The following AUTS2 variants were observed in gnomAD, a reference collection of about 807,000 sequenced individuals.
The protein encoded by AUTS2 is autism susceptibility gene 2 protein.
In AUTS2, 17 loss-of-function variants were observed where a neutral mutation model predicts 112.4. The ratio of observed to expected loss-of-function variants is 0.15; its 90% CI spans 0.10 to 0.23. The LOEUF is 0.23. Ranked by LOEUF, AUTS2 falls within the 10% of genes least tolerant of loss-of-function variation. The pLI, the probability that AUTS2 is intolerant of heterozygous loss-of-function variation, is 1.00. For missense variants in AUTS2, 1,510 were observed against 1,701.6 expected (o/e 0.89, Z 1.98); for synonymous variants, 751 against 702.7 (o/e 1.07, Z -1.09).
chr7:70,218,007 A>G (rs1811264495), intron 4 of AUTS2, among the ~76,000 whole-genome samples: 1 of 152,234 alleles, frequency 6.6e-6, no homozygotes, highest in African/African-American at 2.4e-5. Flanking sequence ...TTTATGCTGT[A>G]AAGGTCCAGA....
intron 4 of AUTS2, among the ~76,000 whole-genome samples, chr7:70,250,691 G>A (rs191432584): frequency 1.1e-4 from 16 of 152,282 alleles, no homozygotes; most frequent in African/African-American, 3.6e-4. Context: ...AGCCACTAAA[G>A]AATGAGATCA....
At position 69,785,569 on chromosome 7, in the gene AUTS2, C is replaced by G. The variant is rs538916632; in HGVS notation, c.310-113717C>G. ...CTTCTGCGGAGCAGAGTGCCAATGG[C>G]CATAGACATAACTCAGGGGCTGTTT... On this transcript the variant is annotated intron_variant, in intron 1 of 18. Coordinates refer to ENST00000342771, the MANE Select transcript of AUTS2 (RefSeq NM_015570.4). Among the ~76,000 whole-genome samples the G allele has an allele frequency of 2.6e-5, 4 of 152,340 alleles. No individual in the cohort carries two copies. The South Asian group carries it at 8.3e-4, about 32-fold the overall frequency.
chr7:69,662,723 C>T (rs1008970406), intron 1 of AUTS2, among the ~76,000 whole-genome samples: 41 of 152,148 alleles, frequency 2.7e-4, no homozygotes, highest in African/African-American at 9.7e-4. Context: ...CATATTAGCT[C>T]TTGGCTTCAA....
In AUTS2 at chr7:70,157,891, T is replaced by C. The variant is rs1185542953; in HGVS notation, c.660+23320T>C. Among the ~76,000 whole-genome samples, 4 of 151,794 alleles carry C rather than the reference T, an allele frequency of 2.6e-5. No homozygotes were observed. The East Asian group carries it at 7.7e-4, about 29-fold the overall frequency. The stretch of plus-strand genomic sequence containing the variant: ...TAAGTTCATGGCCTTACAATGGGAG[T>C]GGGAGGAGAGGTGACTTTGGAGCAG... On this transcript the variant is annotated intron_variant, in intron 4 of 18. Transcript: ENST00000342771.
At chr7:69,945,628 GT>G (rs759921547) in intron 2 of AUTS2, among the ~76,000 whole-genome samples, 4 of 150,172 alleles carry the variant, frequency 2.7e-5, no homozygotes, top group Non-Finnish European at 5.9e-5. Flanking sequence ...GTTTTTTTGG[GT>G]TTTTTTTTGG....
At chr7:69,613,562 T>C (rs1793156721) in intron 1 of AUTS2, among the ~76,000 whole-genome samples, 1 of 152,202 alleles carries the variant, frequency 6.6e-6, no homozygotes, top group Admixed American at 6.5e-5. Context: ...TTCTAAACCC[T>C]TGCACTCATT....
intron 14 of AUTS2, chr7:70,781,412 G>T: frequency 4.4e-6 from 2 of 449,800 alleles, no homozygotes; most frequent in East Asian, 4.4e-5. Flanking sequence ...GTTGTCACTA[G>T]ACATTTCTGG....
chr7:70,128,725 C>T (rs1173357678), intron 3 of AUTS2, among the ~76,000 whole-genome samples: 1 of 152,186 alleles, frequency 6.6e-6, no homozygotes, highest in Admixed American at 6.5e-5. Context: ...TAATGAATGA[C>T]CACAAACTGT....
chr7:70,684,836 G>A (rs1048999982), intron 5 of AUTS2, among the ~76,000 whole-genome samples: 6 of 152,096 alleles, frequency 3.9e-5, no homozygotes, highest in Admixed American at 6.5e-5. Context: ...GAAACTCTCC[G>A]TTACTCTCTT....
intron 2 of AUTS2, among the ~76,000 whole-genome samples, chr7:69,974,011 T>C (rs1584512793): frequency 6.6e-6 from 1 of 152,152 alleles, no homozygotes; most frequent in Non-Finnish European, 1.5e-5. Context: ...CATTCTTCTT[T>C]AAACATTGTG....
At chr7:70,687,034 T>C (rs1808507278) in intron 5 of AUTS2, among the ~76,000 whole-genome samples, 1 of 152,130 alleles carries the variant, frequency 6.6e-6, no homozygotes. Flanking sequence ...ACATTTTCAT[T>C]TTAATTACCA....
intron 1 of AUTS2, among the ~76,000 whole-genome samples, chr7:69,770,871 C>T (rs538208719): frequency 2.6e-5 from 4 of 152,034 alleles, no homozygotes; most frequent in South Asian, 2.1e-4. Flanking sequence ...AATATAAAAC[C>T]GATCTGTTCA....
intron 6 of AUTS2, among the ~76,000 whole-genome samples, chr7:70,722,859 G>C (rs942438007): frequency 5.9e-5 from 9 of 152,182 alleles, no homozygotes; most frequent in African/African-American, 1.9e-4. Flanking sequence ...CGCAGTGTCA[G>C]ACAGGCCCTT....
intron 5 of AUTS2, among the ~76,000 whole-genome samples, chr7:70,559,734 G>T (rs1801400090): frequency 1.3e-5 from 2 of 152,136 alleles, no homozygotes; most frequent in Non-Finnish European, 2.9e-5. Flanking sequence ...AATGACATGA[G>T]CAGCTCATCT....
chr7:70,658,138 G>A (rs894763035), intron 5 of AUTS2, among the ~76,000 whole-genome samples: 4 of 152,188 alleles, frequency 2.6e-5, no homozygotes, highest in African/African-American at 4.8e-5. Flanking sequence ...CAACTATCCT[G>A]GACAGTTGAA....
chr7:70,087,513 G>C (rs992622764), intron 2 of AUTS2, among the ~76,000 whole-genome samples: 6 of 151,678 alleles, frequency 4.0e-5, no homozygotes, highest in African/African-American at 1.5e-4. Context: ...GGGATTACAG[G>C]TGCCCACCAC....
chr7:69,863,341 CAT>C (rs1315954043), intron 1 of AUTS2, among the ~76,000 whole-genome samples: 3 of 152,120 alleles, frequency 2.0e-5, no homozygotes, highest in African/African-American at 7.2e-5. Flanking sequence ...TGATTTAAAA[CAT>C]ATGGGAGGAT....
rs992640369 is a variant in AUTS2, at chr7:70,775,005, G to T, written c.1903-352G>T. The T allele has an allele frequency of 1.8e-5, 5 of 274,108 alleles. 1 individual carries two copies. Among genetic ancestry groups the T allele is most frequent in the Non-Finnish European group, 3.4e-5 (5 of 147,554 alleles). The allele number at this position is 274,108 out of a possible 1,614,324, so 17.0% of individuals were successfully genotyped here. A position where few individuals can be genotyped will look rare whatever the true frequency, so the allele number is the denominator to read the frequency against. ...TTAGTAGACAGCTTTAAAAGCCAGG[G>T]GTCTGAAGGCCATTCTCCCTCAGAC... is the stretch of plus-strand genomic sequence containing the variant. On this transcript the variant is annotated intron_variant, in intron 12 of 18. Transcript: ENST00000342771.
At chr7:69,847,071 A>C (rs1247173827) in intron 1 of AUTS2, among the ~76,000 whole-genome samples, 1 of 152,150 alleles carries the variant, frequency 6.6e-6, no homozygotes, top group Non-Finnish European at 1.5e-5. Flanking sequence ...AATTTGTCTT[A>C]CTTTCCTTAA....
Sources: allele counts gnomAD v4.1 joint callset (sites outside exome capture counted in the v4.1 genomes callset), GRCh38; gene constraint gnomAD v4.1.1; transcripts MANE v1.5; gene names NCBI Gene and HGNC (gene_info 2026-07-23, HGNC 2026-07-21).